Variants in POGLUT2 observed in about 807,000 individuals in gnomAD.
POGLUT2 encodes ER protein 58.
Under a neutral mutation model 57.6 loss-of-function variants are expected in POGLUT2, and 47 were observed. The ratio of observed to expected loss-of-function variants is 0.82; its 90% CI spans 0.65 to 1.04. POGLUT2 has a LOEUF of 1.04. Ranked by LOEUF, POGLUT2 falls within the 50% of genes least tolerant of loss-of-function variation. POGLUT2 has a pLI of 0.00. For synonymous variants in POGLUT2, 200 were observed against 218.8 expected (o/e 0.91, Z 0.76); for missense variants, 565 against 614.8 (o/e 0.92, Z 0.86).
At position 102,793,725 on chromosome 13, in the gene POGLUT2, A is replaced by G. The variant is rs1878271623; in HGVS notation, c.470T>C (p.Ile157Thr). 2 of 1,614,140 alleles carry G rather than the reference A, an allele frequency of 1.2e-6. No homozygotes were observed. Among genetic ancestry groups the G allele is most frequent in the East Asian group, 4.5e-5 (2 of 44,884 alleles). Residue 157 changes from isoleucine to threonine, a missense_variant, in exon 3 of 10, where the codon ATT (isoleucine) becomes ACT (threonine). Physicochemically the swap from Ile to Thr is moderately conservative, Grantham distance 89 (BLOSUM62 -1). Coordinates refer to ENST00000376004, the MANE Select transcript of POGLUT2 (RefSeq NM_024089.3). ...TGCCAGATCTCTCTGAATCTGAGCA[A>G]TGGTTTCAGGGCAGTTCATCTCCCG... ...WLREMNCPET[I>T]AQIQRDLAHF...
chr13:102,787,732 T>A (rs1878005918), intron 8 of POGLUT2, 102 bp downstream of exon 8: 1 of 534,438 alleles, frequency 1.9e-6, no homozygotes, highest in African/African-American at 1.9e-5. Context: ...TATATATATC[T>A]CCCTATAGTA....
In POGLUT2 at chr13:102,798,629, T is replaced by G. The variant is rs762297531; in HGVS notation, c.42A>C (p.Thr14=). 9.3e-6 allele frequency: 15 copies of G among 1,610,064 alleles called. No homozygotes were observed. In the South Asian group the frequency reaches 1.7e-4, roughly 18 times the overall value. The part of the protein sequence containing the change: ...TLLLYCFFLA[T]VPALAETGGE... ...CGCCGGTCTCGGCGAGTGCTGGAAC[T>G]GTCGCCAGAAAGAAGCAATAAAGTA... is the stretch of plus-strand genomic sequence containing the variant. Residue 14 remains threonine, a synonymous_variant, in exon 1 of 10, where the codon ACA becomes ACC. Coordinates refer to ENST00000376004, the MANE Select transcript of POGLUT2 (RefSeq NM_024089.3).
intron 1 of POGLUT2, 54 bp downstream of exon 1, chr13:102,798,435 A>C: frequency 1.4e-6 from 2 of 1,468,926 alleles, no homozygotes; most frequent in South Asian, 2.7e-5. Flanking sequence ...TCTTAAAGGG[A>C]GAAACAGATT....
chr13:102,788,558 C>T (rs1247578942), intron 7 of POGLUT2, among the ~76,000 whole-genome samples: 3 of 152,066 alleles, frequency 2.0e-5, no homozygotes, highest in Non-Finnish European at 4.4e-5. Flanking sequence ...GTGGTCTCGG[C>T]TCACTGCAAC....
chr13:102,792,066 A>G (rs1878203038), intron 4 of POGLUT2: 1 of 1,288,638 alleles, frequency 7.8e-7, no homozygotes, highest in Non-Finnish European at 1.0e-6. Flanking sequence ...GACAAAGAGG[A>G]GCAAGAGAAG....
chr13:102,790,211 C>T (rs1481499751), intron 6 of POGLUT2, among the ~76,000 whole-genome samples: 3 of 152,180 alleles, frequency 2.0e-5, no homozygotes, highest in African/African-American at 7.2e-5. Context: ...CTCAACAAAA[C>T]CCATCAAAAG....
At position 102,798,477 on chromosome 13, in the gene POGLUT2, T is replaced by TTC. The variant is rs750909108; in HGVS notation, c.182+10_182+11dup. On this transcript the variant is annotated intron_variant, in intron 1 of 9. Coordinates refer to ENST00000376004, the MANE Select transcript of POGLUT2 (RefSeq NM_024089.3). ...CCATCCAAAATAGGTAAGGAGCCGTTTCTCGACTTACTTATTCCCTGATGT... is the reference window on the plus strand; with the variant it reads ...CCATCCAAAATAGGTAAGGAGCCGTTTCTCTCGACTTACTTATTCCCTGATGT... 1.3e-6 allele frequency: 2 copies of TTC among 1,540,284 alleles called. No homozygotes were observed. The highest frequency in any genetic ancestry group is 4.9e-5 in the East Asian group (2 of 40,750).
In POGLUT2 at chr13:102,798,741, G is replaced by T; in HGVS notation, c.-71C>A. On this transcript the variant is annotated 5_prime_UTR_variant, in exon 1 of 10. Transcript: ENST00000376004. The stretch of plus-strand genomic sequence containing the variant: ...GTAAGAGGTGGACAGAAGCAGCCGA[G>T]CCTTCGGCAGGGACCCGCCGGCCGA... 7.1e-7 allele frequency: 1 copy of T among 1,411,222 alleles called. No individual in the cohort carries two copies. Among genetic ancestry groups the T allele is most frequent in the Non-Finnish European group, 9.4e-7 (1 of 1,067,716 alleles). 87.4% of individuals were successfully genotyped at this position (1,411,222 alleles called of 1,614,324 possible).
intron 2 of POGLUT2, among the ~76,000 whole-genome samples, chr13:102,795,614 T>A (rs1878347837): frequency 6.6e-6 from 1 of 152,168 alleles, no homozygotes; most frequent in Non-Finnish European, 1.5e-5. Flanking sequence ...ACAGTCCACT[T>A]CACTAATTTT....
chr13:102,797,786 T>C (rs548658034), intron 1 of POGLUT2, among the ~76,000 whole-genome samples: 2 of 152,204 alleles, frequency 1.3e-5, no homozygotes, highest in East Asian at 3.9e-4. Context: ...AGCAAAGTAG[T>C]AGGTAGTGTA....
chr13:102,798,958 T>A lies in POGLUT2; in HGVS notation c.-288A>T, dbSNP rs74109612. On this transcript the variant is annotated 5_prime_UTR_variant, in exon 1 of 10. Transcript: ENST00000376004. ...GACAATGATGAACTTGAGTTGCTCCTGCCACTGGAGCATCATTTGGGAGCG... is the reference window on the plus strand; with the variant it reads ...GACAATGATGAACTTGAGTTGCTCCAGCCACTGGAGCATCATTTGGGAGCG... 7,957 of 412,872 alleles carry A rather than the reference T, an allele frequency of 0.019. 474 individuals carry two copies. Among genetic ancestry groups the A allele is most frequent in the African/African-American group, 0.14 (6,641 of 48,802 alleles). The allele number at this position is 412,872 out of a possible 1,614,324, so 25.6% of individuals were successfully genotyped here.
At chr13:102,796,018 C>T (rs901939577) in intron 2 of POGLUT2, among the ~76,000 whole-genome samples, 3 of 151,796 alleles carry the variant, frequency 2.0e-5, no homozygotes, top group Admixed American at 6.6e-5. Context: ...TCAGAATGGC[C>T]GAGCATGGTG....
chr13:102,793,637 C>T lies in POGLUT2; in HGVS notation c.558G>A (p.Arg186=). The T allele has an allele frequency of 6.2e-7, 1 of 1,614,092 alleles. No homozygotes were observed. Among genetic ancestry groups the T allele is most frequent in the Non-Finnish European group, 8.5e-7 (1 of 1,180,006 alleles). The change falls in exon 3 of 10, where the codon AGG becomes AGA. Residue 186 remains arginine, a synonymous_variant. Coordinates refer to ENST00000376004, the MANE Select transcript of POGLUT2 (RefSeq NM_024089.3). Reference sequence around the variant, plus strand: ...TTAAGGTGTAGTGACATAGGCTCTGCCTCTGTCCAAATCTTTTTGGGATTT... The same window carrying T: ...TTAAGGTGTAGTGACATAGGCTCTGTCTCTGTCCAAATCTTTTTGGGATTT... The part of the protein sequence containing the change: ...AVEIPKRFGQ[R]QSLCHYTLKD...
chr13:102,793,900 T>C, intron 2 of POGLUT2, 94 bp from the exon 3 acceptor site: 1 of 1,137,296 alleles, frequency 8.8e-7, no homozygotes, highest in Non-Finnish European at 1.3e-6. Context: ...TCATGAATTT[T>C]GCTTAGTTAC....
Position 102,789,024 on chromosome 13 carries a change from A to C in POGLUT2, c.1281T>G (p.Asp427Glu). ...DLLEKLKWAK[D>E]HDEEAKKIAK... ...GGACTAACCTTACCTCTTCATCGTG[A>C]TCTTTCGCCCATTTAAGTTTTTCTA... Residue 427 changes from aspartate (D) to glutamate (E), a missense_variant, in exon 7 of 10, where the codon GAT (aspartate) becomes GAG (glutamate). Physicochemically the swap from Asp to Glu is conservative, Grantham distance 45. Coordinates refer to ENST00000376004, the MANE Select transcript of POGLUT2 (RefSeq NM_024089.3). 2 of 1,613,718 alleles carry C rather than the reference A, an allele frequency of 1.2e-6. No individual in the cohort carries two copies. The highest frequency in any genetic ancestry group is 1.3e-5 in the African/African-American group (1 of 75,010).
In POGLUT2 at chr13:102,789,023, G is replaced by T. The variant is rs1398522506; in HGVS notation, c.1282C>A (p.His428Asn). 6.2e-7 allele frequency: 1 copy of T among 1,613,520 alleles called. No homozygotes were observed. ...LLEKLKWAKD[H>N]DEEAKKIAKA... ...GGGACTAACCTTACCTCTTCATCGT[G>T]ATCTTTCGCCCATTTAAGTTTTTCT... Residue 428 changes from histidine (H) to asparagine (N), a missense_variant, in exon 7 of 10, where the codon CAC (histidine) becomes AAC (asparagine). Physicochemically the swap from His to Asn is moderately conservative, Grantham distance 68 (BLOSUM62 1). Coordinates refer to ENST00000376004, the MANE Select transcript of POGLUT2 (RefSeq NM_024089.3).
Position 102,793,624 on chromosome 13 carries a change from G to C in POGLUT2, c.571C>G (p.His191Asp), listed in dbSNP as rs767467151. ...ACCTTGTTATCCTTTAAGGTGTAGT[G>C]ACATAGGCTCTGCCTCTGTCCAAAT... ...KRFGQRQSLC[H>D]YTLKDNKVYI... is the part of the protein sequence containing the mutation. Residue 191 changes from histidine (H) to aspartate (D), a missense_variant, in exon 3 of 10, where the codon CAC (histidine) becomes GAC (aspartate). His to Asp is a moderately conservative substitution (Grantham distance 81). Transcript: ENST00000376004. 2 of 1,613,782 alleles carry C rather than the reference G, an allele frequency of 1.2e-6. No homozygotes were observed. The highest frequency in any genetic ancestry group is 1.7e-6 in the Non-Finnish European group (2 of 1,179,758).
chr13:102,791,079 T>C lies in POGLUT2; in HGVS notation c.905A>G (p.Asn302Ser), dbSNP rs746060607. 1.2e-5 allele frequency: 19 copies of C among 1,614,152 alleles called. No individual in the cohort carries two copies. The highest frequency in any genetic ancestry group is 1.6e-5 in the Non-Finnish European group (19 of 1,180,020). Residue 302 changes from asparagine (N) to serine (S), a missense_variant, in exon 6 of 10, where the codon AAT becomes AGT. Asn to Ser is a conservative substitution (Grantham distance 46). Transcript: ENST00000376004. ...TCGCCCTCTCCAGACGGCAGTGGAA[T>C]TTTTGCTTTCCCAGGGAGGACCCGT... ...ANTGPPWESK[N>S]STAVWRGRDS...
At chr13:102,790,459 A>AT (rs1878122856) in intron 6 of POGLUT2, among the ~76,000 whole-genome samples, 1 of 152,222 alleles carries the variant, frequency 6.6e-6, no homozygotes. Context: ...GCAAACCCTA[A>AT]TTCCCAGACA....
Sources: allele counts gnomAD v4.1 joint callset (sites outside exome capture counted in the v4.1 genomes callset), GRCh38; gene constraint gnomAD v4.1.1; transcripts MANE v1.5; gene names NCBI Gene and HGNC (gene_info 2026-07-23, HGNC 2026-07-21).